The following ARHGEF11 variants were observed in gnomAD, a reference collection of about 807,000 sequenced individuals.
ARHGEF11 encodes Rho guanine nucleotide exchange factor 11.
Under a neutral mutation model 193.7 loss-of-function variants are expected in ARHGEF11, and 55 were observed. That is an observed-to-expected ratio of 0.28 (90% confidence interval 0.23 to 0.36). ARHGEF11 has a LOEUF of 0.36. Ranked by LOEUF, ARHGEF11 falls within the 10% of genes least tolerant of loss-of-function variation. The pLI, the probability that ARHGEF11 is intolerant of heterozygous loss-of-function variation, is 1.00. For synonymous variants in ARHGEF11, 693 were observed against 768.0 expected (o/e 0.90, Z 1.62); for missense variants, 1,723 against 2,005.6 (o/e 0.86, Z 2.69).
intron 1 of ARHGEF11, among the ~76,000 whole-genome samples, chr1:157,011,319 T>A (rs1038722356): frequency 6.6e-6 from 1 of 152,156 alleles, no homozygotes; most frequent in African/African-American, 2.4e-5. Flanking sequence ...CCTCACATCA[T>A]ATACAAGAAT....
intron 7 of ARHGEF11, 23 bp downstream of exon 7, chr1:156,976,960 T>A (rs747067568): frequency 6.2e-7 from 1 of 1,605,716 alleles, no homozygotes; most frequent in Non-Finnish European, 8.5e-7. Flanking sequence ...CAATGGCCAG[T>A]CTACCCTTGG....
At chr1:156,940,539 G>A in intron 35 of ARHGEF11, 114 bp from the exon 36 acceptor site, 2 of 955,876 alleles carry the variant, frequency 2.1e-6, no homozygotes, top group Non-Finnish European at 3.0e-6. Flanking sequence ...TTCTACAGTT[G>A]TTTACTGAGA....
intron 1 of ARHGEF11, among the ~76,000 whole-genome samples, chr1:157,018,112 G>C (rs374820582): frequency 6.6e-6 from 1 of 152,074 alleles, no homozygotes; most frequent in Non-Finnish European, 1.5e-5. Context: ...ATATGAAATA[G>C]GGATAAATTT....
rs906384335 is a variant in ARHGEF11, at chr1:156,970,050, C to A, written c.703-7G>T. On this transcript the variant is annotated splice_region_variant and splice_polypyrimidine_tract_variant and intron_variant, in intron 8 of 40. Transcript: ENST00000368194. ...CATATAGTGGAAGTATGTCCTGAAA[C>A]AGAAAGGCCCACAGGGTGGGCAAAT... is the stretch of plus-strand genomic sequence containing the variant. The A allele has an allele frequency of 1.2e-6, 2 of 1,613,738 alleles. No homozygotes were observed. Among genetic ancestry groups the A allele is most frequent in the African/African-American group, 1.3e-5 (1 of 74,920 alleles).
Position 157,044,285 on chromosome 1 carries a change from A to G in ARHGEF11, c.32+14T>C, listed in dbSNP as rs1422803641. 6.2e-7 allele frequency: 1 copy of G among 1,612,124 alleles called. No homozygotes were observed. The highest frequency in any genetic ancestry group is 2.2e-5 in the East Asian group (1 of 44,798). On this transcript the variant is annotated intron_variant, in intron 1 of 40. Coordinates refer to ENST00000368194, the MANE Select transcript of ARHGEF11 (RefSeq NM_198236.3). ...TTAGTCAATGTTGAAAAATCAAATT[A>G]TTAGCAAACCTACCTGTCTATACTC...
chr1:156,944,174 C>T, intron 31 of ARHGEF11, 72 bp from the exon 32 acceptor site: 1 of 1,556,276 alleles, frequency 6.4e-7, no homozygotes, highest in Non-Finnish European at 8.7e-7. Flanking sequence ...TGCAGGGCCA[C>T]AGGCTCTTGG....
At chr1:157,013,299 A>ACACACACACACACACACAC (rs534893600) in intron 1 of ARHGEF11, among the ~76,000 whole-genome samples, 3 of 148,624 alleles carry the variant, frequency 2.0e-5, no homozygotes, top group African/African-American at 5.0e-5. Context: ...ACACACACAC[A>ACACACACACACACACACAC]CCAAGAACCT....
chr1:157,006,814 T>C (rs550118330), intron 1 of ARHGEF11, among the ~76,000 whole-genome samples: 1 of 152,270 alleles, frequency 6.6e-6, no homozygotes, highest in Non-Finnish European at 1.5e-5. Flanking sequence ...ATACACTAAG[T>C]GTAATGTGCC....
At position 156,939,756 on chromosome 1, in the gene ARHGEF11, T is replaced by C. The variant is rs1656385973; in HGVS notation, c.3888A>G (p.Ala1296=). 1.2e-6 allele frequency: 2 copies of C among 1,613,662 alleles called. No homozygotes were observed. The highest frequency in any genetic ancestry group is 1.7e-6 in the Non-Finnish European group (2 of 1,179,882). The change falls in exon 37 of 41, where the codon GCA becomes GCG. Residue 1296 remains alanine, a synonymous_variant. Coordinates refer to ENST00000368194, the MANE Select transcript of ARHGEF11 (RefSeq NM_198236.3). ...HPWDPGSPGQ[A]PPGGEGDNTQ... ...TGTTGTCCCCTTCACCCCCAGGGGGTGCTTGCCCTGGGGAGCCTGGGTCCC... is the reference window on the plus strand; with the variant it reads ...TGTTGTCCCCTTCACCCCCAGGGGGCGCTTGCCCTGGGGAGCCTGGGTCCC...
intron 27 of ARHGEF11, 62 bp downstream of exon 27, chr1:156,946,874 G>T (rs1418300765): frequency 6.2e-7 from 1 of 1,612,986 alleles, no homozygotes; most frequent in African/African-American, 1.3e-5. Flanking sequence ...CTGGCCTTGG[G>T]TAATGAGACC....
intron 18 of ARHGEF11, 27 bp downstream of exon 18, chr1:156,957,765 G>A: frequency 1.9e-6 from 3 of 1,613,008 alleles, no homozygotes; most frequent in Non-Finnish European, 2.5e-6. Context: ...CTTGAAAGCT[G>A]CAAATCCACA....
chr1:156,957,446 G>C (rs893347060), intron 18 of ARHGEF11, among the ~76,000 whole-genome samples: 2 of 152,186 alleles, frequency 1.3e-5, no homozygotes, highest in African/African-American at 4.8e-5. Context: ...TACTACTTGA[G>C]GTAGTTTAAG....
At chr1:157,031,577 T>C (rs1360533532) in intron 1 of ARHGEF11, among the ~76,000 whole-genome samples, 1 of 152,094 alleles carries the variant, frequency 6.6e-6, no homozygotes, top group African/African-American at 2.4e-5. Context: ...CTGGAGAACC[T>C]GGAGATGATG....
intron 32 of ARHGEF11, 80 bp from the exon 33 acceptor site, chr1:156,942,860 G>A: frequency 8.3e-7 from 1 of 1,198,288 alleles, no homozygotes; most frequent in Non-Finnish European, 1.2e-6. Context: ...GTGACAGAGT[G>A]GGACTCAAAG....
chr1:156,986,056 T>C (rs1557905636), intron 2 of ARHGEF11, 26 bp downstream of exon 2: 2 of 1,596,100 alleles, frequency 1.3e-6, no homozygotes. Flanking sequence ...TGGCTGTTTT[T>C]GTATGTTAAT....
chr1:157,001,138 T>C (rs1421386828), intron 1 of ARHGEF11, among the ~76,000 whole-genome samples: 1 of 152,156 alleles, frequency 6.6e-6, no homozygotes, highest in Non-Finnish European at 1.5e-5. Context: ...TCATCACAGA[T>C]CCCTGCCTGT....
chr1:156,946,185 G>C (rs1051534210), intron 28 of ARHGEF11, 23 bp from the exon 29 acceptor site: 4 of 1,603,780 alleles, frequency 2.5e-6, no homozygotes, highest in Admixed American at 3.3e-5. Context: ...AGACACAGAA[G>C]GGAGGAGATG....
intron 1 of ARHGEF11, among the ~76,000 whole-genome samples, chr1:157,039,011 C>G (rs1571622263): frequency 6.6e-6 from 1 of 152,100 alleles, no homozygotes; most frequent in East Asian, 1.9e-4. Context: ...CAGAGTGAGA[C>G]CCTGTCCCAA....
At chr1:157,001,069 C>A (rs943887879) in intron 1 of ARHGEF11, among the ~76,000 whole-genome samples, 1 of 152,164 alleles carries the variant, frequency 6.6e-6, no homozygotes, top group Non-Finnish European at 1.5e-5. Context: ...AATGAACTCT[C>A]GAATGATGAC....
Sources: allele counts gnomAD v4.1 joint callset (sites outside exome capture counted in the v4.1 genomes callset), GRCh38; gene constraint gnomAD v4.1.1; transcripts MANE v1.5; gene names NCBI Gene and HGNC (gene_info 2026-07-23, HGNC 2026-07-21).